Variants in ROR1 observed in about 807,000 individuals in gnomAD.
ROR1 encodes the protein ROR family WNT receptor 1, also known as inactive tyrosine-protein kinase transmembrane receptor ROR1.
In ROR1, 19 loss-of-function variants were observed where a neutral mutation model predicts 78.8. That is an observed-to-expected ratio of 0.24 (90% CI 0.17 to 0.35). The LOEUF (loss-of-function observed/expected upper bound fraction) is 0.35, where lower values mean the gene tolerates loss of function less well. Among genes scored for constraint, ROR1 ranks in the 10% least tolerant of loss-of-function variants. The pLI is 1.00. For synonymous variants in ROR1, 386 were observed against 433.6 expected, an observed-to-expected ratio of 0.89 and a Z score of 1.36; for missense variants, 917 against 1,177.8, an observed-to-expected ratio of 0.78 and a Z score of 3.24.
At chr1:63,972,249 G>A (rs1453221906) in intron 1 of ROR1, among the ~76,000 whole-genome samples, 1 of 152,064 alleles carries the variant, frequency 6.6e-6, no homozygotes, top group Admixed American at 6.5e-5. Flanking sequence ...CCTTAAAACA[G>A]CCCCATGAGG....
At chr1:64,010,312 A>T (rs1438842285) in intron 2 of ROR1, among the ~76,000 whole-genome samples, 1 of 151,076 alleles carries the variant, frequency 6.6e-6, no homozygotes, top group African/African-American at 2.4e-5. Context: ...GGTGATTTAT[A>T]TACTTATCTC....
Position 63,932,566 on chromosome 1 carries a change from T to C in ROR1, c.92-76739T>C, listed in dbSNP as rs1442266534. Among the ~76,000 whole-genome samples, 4 of 152,162 alleles carry C rather than the reference T, an allele frequency of 2.6e-5. No homozygotes were observed. In the East Asian group the frequency reaches 7.7e-4, roughly 29 times the overall value. ...TACTGCCCCCAAAGCCAAGGAAGAA[T>C]GATGCCCCTGATGGTTCTTCCCATT... On this transcript the variant is annotated intron_variant, in intron 1 of 8. Transcript: ENST00000371079.
At chr1:63,939,341 C>T (rs2100454449) in intron 1 of ROR1, among the ~76,000 whole-genome samples, 1 of 152,160 alleles carries the variant, frequency 6.6e-6, no homozygotes, top group Non-Finnish European at 1.5e-5. Context: ...TCCTAATGTG[C>T]AGCAAAGTTA....
chr1:63,799,193 G>A (rs1644780653), intron 1 of ROR1, among the ~76,000 whole-genome samples: 1 of 152,174 alleles, frequency 6.6e-6, no homozygotes, highest in African/African-American at 2.4e-5. Flanking sequence ...TGACTGGCAC[G>A]TAGTAGGTGT....
chr1:63,817,774 T>A (rs1644900933), intron 1 of ROR1, among the ~76,000 whole-genome samples: 1 of 152,028 alleles, frequency 6.6e-6, no homozygotes, highest in Non-Finnish European at 1.5e-5. Context: ...TTTGTTTGGG[T>A]TATTTTGCTC....
chr1:63,889,829 A>C (rs575401855), intron 1 of ROR1, among the ~76,000 whole-genome samples: 45 of 152,308 alleles, frequency 3.0e-4, no homozygotes, highest in African/African-American at 1.1e-3. Flanking sequence ...ACTACCCTGA[A>C]GGGAAGATTT....
At chr1:64,031,677 T>C (rs927909747) in intron 2 of ROR1, among the ~76,000 whole-genome samples, 16 of 152,278 alleles carry the variant, frequency 1.1e-4, no homozygotes, top group African/African-American at 3.9e-4. Context: ...TATTGCTTTT[T>C]CTACTCAACA....
intron 7 of ROR1, chr1:64,143,166 A>G (rs576642404): frequency 8.1e-6 from 8 of 989,514 alleles, no homozygotes; most frequent in Non-Finnish European, 9.6e-6. Context: ...GGTATCTAGT[A>G]AGAAAATGGA....
chr1:64,084,782 C>A (rs536196517), intron 4 of ROR1, among the ~76,000 whole-genome samples: 1 of 152,192 alleles, frequency 6.6e-6, no homozygotes, highest in Admixed American at 6.5e-5. Flanking sequence ...ATTCTGCTGA[C>A]TTTGAAGTAT....
intron 1 of ROR1, among the ~76,000 whole-genome samples, chr1:63,920,688 C>G (rs1036749896): frequency 6.6e-6 from 1 of 152,226 alleles, no homozygotes; most frequent in Admixed American, 6.5e-5. Context: ...CAGCCCACCT[C>G]TCCTGGACAC....
At chr1:63,959,788 C>G (rs6588078) in intron 1 of ROR1, among the ~76,000 whole-genome samples, 40,793 of 151,994 alleles carry the variant, frequency 0.27, 7,072 homozygotes, top group African/African-American at 0.49. Context: ...CCTTCCAAGT[C>G]CTTACCCTCC....
Position 64,140,291 on chromosome 1 carries a change from A to C in ROR1, c.793A>C (p.Ile265Leu). The C allele has an allele frequency of 1.2e-6, 2 of 1,614,138 alleles. No homozygotes were observed. The highest frequency in any genetic ancestry group is 1.7e-6 in the Non-Finnish European group (2 of 1,180,010). The change falls in exon 6 of 9, where the codon ATT becomes CTT. Residue 265 changes from isoleucine (I) to leucine (L), a missense_variant. By Grantham distance (5) the Ile-to-Leu change is conservative. Transcript: ENST00000371079. ...LENVLCQTEY[I>L]FARSNPMILM... ...GAATGTCCTGTGTCAAACAGAGTAC[A>C]TTTTTGCAAGATCAAATCCCATGAT...
At chr1:64,123,729 T>C (rs1376291670) in intron 4 of ROR1, among the ~76,000 whole-genome samples, 1 of 152,176 alleles carries the variant, frequency 6.6e-6, no homozygotes, top group East Asian at 1.9e-4. Context: ...AACAGGCACT[T>C]GTAGGCATTG....
chr1:64,071,866 A>G lies in ROR1; in HGVS notation c.482+21150A>G, dbSNP rs529624922. The stretch of plus-strand genomic sequence containing the variant: ...GAAGCAATTAGCCATGTTCTAGGAG[A>G]GAGGGAAGAGCCAATAAGGAGGGTG... On this transcript the variant is annotated intron_variant, in intron 4 of 8. Transcript: ENST00000371079. 2.0e-5 allele frequency among the ~76,000 whole-genome samples: 3 copies of G among 152,234 alleles called. No individual in the cohort carries two copies. In the East Asian group the frequency reaches 5.8e-4, roughly 29 times the overall value.
intron 4 of ROR1, among the ~76,000 whole-genome samples, chr1:64,101,796 A>G (rs987401922): frequency 3.3e-5 from 5 of 152,214 alleles, no homozygotes; most frequent in Non-Finnish European, 7.3e-5. Flanking sequence ...AGAGTGAGCC[A>G]TACGTTTATC....
chr1:63,877,368 A>C (rs956508683), intron 1 of ROR1, among the ~76,000 whole-genome samples: 1 of 152,186 alleles, frequency 6.6e-6, no homozygotes, highest in Non-Finnish European at 1.5e-5. Context: ...TCAAGTCTCA[A>C]GTTTCCTCAT....
At chr1:64,008,608 A>G (rs1646449387) in intron 1 of ROR1, among the ~76,000 whole-genome samples, 2 of 152,082 alleles carry the variant, frequency 1.3e-5, no homozygotes, top group South Asian at 4.1e-4. Context: ...TTTTCTCTGC[A>G]TCCTTGCCAG....
At chr1:64,035,895 G>A (rs538025654) in intron 2 of ROR1, among the ~76,000 whole-genome samples, 3 of 152,254 alleles carry the variant, frequency 2.0e-5, no homozygotes, top group Admixed American at 2.0e-4. Flanking sequence ...CACCTCGTCT[G>A]CTTTTCCTCA....
At chr1:63,836,114 A>G (rs1423043431) in intron 1 of ROR1, among the ~76,000 whole-genome samples, 1 of 152,188 alleles carries the variant, frequency 6.6e-6, no homozygotes, top group Non-Finnish European at 1.5e-5. Context: ...TCCTCCCAAT[A>G]GCCCCACTGG....
Sources: allele counts gnomAD v4.1 joint callset (sites outside exome capture counted in the v4.1 genomes callset), GRCh38; gene constraint gnomAD v4.1.1; transcripts MANE v1.5; gene names NCBI Gene and HGNC (gene_info 2026-07-23, HGNC 2026-07-21).